Variants in HS6ST3 observed in about 807,000 individuals in gnomAD.
HS6ST3 encodes the protein heparan-sulfate 6-O-sulfotransferase 3.
Under a neutral mutation model 36.7 loss-of-function variants are expected in HS6ST3, and 12 were observed. That is an observed-to-expected ratio of 0.33 (90% CI 0.21 to 0.53). HS6ST3 has a LOEUF of 0.53. HS6ST3 is among the 20% of genes least tolerant of loss of function. The probability of loss-of-function intolerance (pLI) is 0.95; values close to 1 mark genes in which losing one functional copy is unlikely to be tolerated. For synonymous variants in HS6ST3, 240 were observed against 257.5 expected (o/e 0.93, Z 0.65); for missense variants, 584 against 640.9 (o/e 0.91, Z 0.96).
At chr13:96,331,829 C>G (rs965674728) in intron 1 of HS6ST3, among the ~76,000 whole-genome samples, 54 of 152,110 alleles carry the variant, frequency 3.6e-4, no homozygotes, top group Admixed American at 5.2e-4. Context: ...TAGCAATCAG[C>G]GAGACTCCGT....
chr13:96,140,420 C>A (rs567953061), intron 1 of HS6ST3, among the ~76,000 whole-genome samples: 18 of 152,262 alleles, frequency 1.2e-4, no homozygotes, highest in African/African-American at 4.3e-4. Context: ...GAAAACTGAT[C>A]TCTCTCGGTT....
At chr13:96,524,980 C>G (rs2056108086) in intron 1 of HS6ST3, among the ~76,000 whole-genome samples, 1 of 152,166 alleles carries the variant, frequency 6.6e-6, no homozygotes, top group African/African-American at 2.4e-5. Context: ...TCCTATTCGG[C>G]CATCTTGGAA....
At chr13:96,258,945 G>A (rs958676692) in intron 1 of HS6ST3, among the ~76,000 whole-genome samples, 3 of 152,120 alleles carry the variant, frequency 2.0e-5, no homozygotes, top group African/African-American at 7.2e-5. Flanking sequence ...CACAAATGAG[G>A]AAGTGTCTCA....
chr13:96,434,459 G>T (rs71434516), intron 1 of HS6ST3, among the ~76,000 whole-genome samples: 5 of 152,132 alleles, frequency 3.3e-5, no homozygotes, highest in African/African-American at 1.2e-4. Context: ...CTAGCCAAAT[G>T]GCTCCCTGCA....
At chr13:96,706,408 A>G (rs929196581) in intron 1 of HS6ST3, among the ~76,000 whole-genome samples, 2 of 107,904 alleles carry the variant, frequency 1.9e-5, no homozygotes, top group African/African-American at 9.2e-5. Flanking sequence ...ATAATAGAAT[A>G]TATTTTATAT....
At position 96,207,416 on chromosome 13, in the gene HS6ST3, C is replaced by T. The variant is rs377578529; in HGVS notation, c.707+115847C>T. Among the ~76,000 whole-genome samples the T allele has an allele frequency of 5.3e-5, 8 of 152,038 alleles. No homozygotes were observed. The South Asian group carries it at 1.0e-3, about 20-fold the overall frequency. ...TTAGTTCAACCATTGTGGAAGACAG[C>T]GTGCAGTTCCTCAGAGATGCAGAGG... On this transcript the variant is annotated intron_variant, in intron 1 of 1. Coordinates refer to ENST00000376705, the MANE Select transcript of HS6ST3 (RefSeq NM_153456.4).
intron 1 of HS6ST3, among the ~76,000 whole-genome samples, chr13:96,582,705 A>G (rs545040046): frequency 6.6e-6 from 1 of 152,278 alleles, no homozygotes; most frequent in Admixed American, 6.5e-5. Context: ...CCTCTCCTAC[A>G]TATAGAAATC....
chr13:96,732,366 G>A (rs1167089883), intron 1 of HS6ST3, among the ~76,000 whole-genome samples: 2 of 151,894 alleles, frequency 1.3e-5, no homozygotes, highest in East Asian at 1.9e-4. Flanking sequence ...TGTGATATAA[G>A]GGTCCAAATT....
chr13:96,628,910 G>A (rs905744002), intron 1 of HS6ST3, among the ~76,000 whole-genome samples: 19 of 151,908 alleles, frequency 1.3e-4, no homozygotes, highest in African/African-American at 4.6e-4. Flanking sequence ...ATCCGTATAT[G>A]TGTGTGTATG....
intron 1 of HS6ST3, among the ~76,000 whole-genome samples, chr13:96,617,734 A>G (rs1216900141): frequency 6.6e-6 from 1 of 152,218 alleles, no homozygotes; most frequent in African/African-American, 2.4e-5. Flanking sequence ...ATCAATCAAC[A>G]TCACCTGGGA....
intron 1 of HS6ST3, among the ~76,000 whole-genome samples, chr13:96,341,564 C>T (rs72643002): frequency 0.016 from 2,468 of 152,206 alleles, 25 homozygotes; most frequent in Non-Finnish European, 0.025. Flanking sequence ...TGGGGATCTA[C>T]AGTAATGTGC....
chr13:96,390,976 A>G (rs894684489), intron 1 of HS6ST3, among the ~76,000 whole-genome samples: 1 of 152,120 alleles, frequency 6.6e-6, no homozygotes, highest in Non-Finnish European at 1.5e-5. Flanking sequence ...GCAGCCACAT[A>G]TAATGTTTTT....
At chr13:96,271,781 C>T (rs2054721640) in intron 1 of HS6ST3, among the ~76,000 whole-genome samples, 1 of 151,974 alleles carries the variant, frequency 6.6e-6, no homozygotes, top group African/African-American at 2.4e-5. Context: ...CTATGAGTCT[C>T]CTTGCAACTG....
chr13:96,601,598 T>C (rs1430662940), intron 1 of HS6ST3, among the ~76,000 whole-genome samples: 1 of 152,168 alleles, frequency 6.6e-6, no homozygotes, highest in Non-Finnish European at 1.5e-5. Context: ...TTTTGGATAC[T>C]TTGTCTGGTA....
At chr13:96,433,960 T>G (rs1322621171) in intron 1 of HS6ST3, among the ~76,000 whole-genome samples, 1 of 147,716 alleles carries the variant, frequency 6.8e-6, no homozygotes, top group Non-Finnish European at 1.5e-5. Flanking sequence ...ACAAAACTTC[T>G]TTTCTTTATA....
At chr13:96,219,828 C>T (rs888597034) in intron 1 of HS6ST3, among the ~76,000 whole-genome samples, 5 of 152,210 alleles carry the variant, frequency 3.3e-5, no homozygotes, top group South Asian at 2.1e-4. Flanking sequence ...GGACTACAGG[C>T]GCGTGCCACC....
chr13:96,549,970 T>G (rs990986942), intron 1 of HS6ST3, among the ~76,000 whole-genome samples: 6 of 152,190 alleles, frequency 3.9e-5, no homozygotes, highest in African/African-American at 1.4e-4. Flanking sequence ...CTTGTCACAT[T>G]GTATGTTCTC....
At chr13:96,272,339 A>T (rs1346031718) in intron 1 of HS6ST3, among the ~76,000 whole-genome samples, 1 of 151,988 alleles carries the variant, frequency 6.6e-6, no homozygotes, top group Admixed American at 6.6e-5. Flanking sequence ...AATAGCTCAC[A>T]ACCTTTTAAA....
intron 1 of HS6ST3, among the ~76,000 whole-genome samples, chr13:96,257,056 T>C (rs954076477): frequency 2.0e-5 from 3 of 152,194 alleles, no homozygotes; most frequent in South Asian, 2.1e-4. Flanking sequence ...AACTGCATTC[T>C]AAGGATGAGT....
Sources: allele counts gnomAD v4.1 joint callset (sites outside exome capture counted in the v4.1 genomes callset), GRCh38; gene constraint gnomAD v4.1.1; transcripts MANE v1.5; gene names NCBI Gene and HGNC (gene_info 2026-07-23, HGNC 2026-07-21).